The following FOXN2 variants were observed in gnomAD, a reference collection of about 807,000 sequenced individuals.
FOXN2 encodes forkhead box protein N2.
Under a neutral mutation model 41.2 loss-of-function variants are expected in FOXN2, and 19 were observed. That is an observed-to-expected ratio of 0.46 (90% CI 0.32 to 0.68). The LOEUF (loss-of-function observed/expected upper bound fraction) is 0.68, where lower values mean the gene tolerates loss of function less well. FOXN2 is among the 30% of genes least tolerant of loss of function. FOXN2 has a pLI of 0.03. For synonymous variants in FOXN2, 195 were observed against 176.8 expected, an observed-to-expected ratio of 1.10 and a Z score of -0.82; for missense variants, 587 against 509.4, an observed-to-expected ratio of 1.15 and a Z score of -1.47.
At chr2:48,354,774 G>C (rs770269567) in intron 3 of FOXN2, among the ~76,000 whole-genome samples, 16 of 152,160 alleles carry the variant, frequency 1.1e-4, no homozygotes, top group Non-Finnish European at 1.8e-4. Context: ...AAATGGGCAA[G>C]TATATGAATA....
At chr2:48,373,221 G>A in intron 5 of FOXN2, 71 bp from the exon 6 acceptor site, 1 of 1,043,362 alleles carries the variant, frequency 9.6e-7, no homozygotes, top group East Asian at 2.5e-5. Flanking sequence ...TTATCTTCAG[G>A]GGCATGCAAA....
chr2:48,375,429 C>T lies in FOXN2; in HGVS notation c.1282C>T (p.Gln428Ter), dbSNP rs1429087841. ...ISTAKTQNQK[Q>*]RKK Reference sequence around the variant, plus strand: ...TACTGCAAAGACACAAAATCAAAAGCAACGGAAAAAATAGAAATACTTAAA... The same window carrying T: ...TACTGCAAAGACACAAAATCAAAAGTAACGGAAAAAATAGAAATACTTAAA... Residue 428 changes from glutamine to a stop codon, truncating the protein, a stop_gained, in exon 7 of 7, where the codon CAA becomes TAA. Coordinates refer to ENST00000340553, the MANE Select transcript of FOXN2 (RefSeq NM_002158.4). LOFTEE classifies it high-confidence loss of function. 1.2e-6 allele frequency: 2 copies of T among 1,601,872 alleles called. No individual in the cohort carries two copies. Among genetic ancestry groups the T allele is most frequent in the South Asian group, 1.1e-5 (1 of 90,132 alleles).
At chr2:48,330,926 T>A (rs1290503317) in intron 2 of FOXN2, among the ~76,000 whole-genome samples, 1 of 152,190 alleles carries the variant, frequency 6.6e-6, no homozygotes, top group Non-Finnish European at 1.5e-5. Context: ...GGTTAATTAT[T>A]CCTTGCTTAA....
At position 48,377,441 on chromosome 2, in the gene FOXN2, C is replaced by T. The variant is rs531649445; in HGVS notation, c.*1998C>T. 6.6e-6 allele frequency: 1 copy of T among 152,056 alleles called. No individual in the cohort carries two copies. Among genetic ancestry groups the T allele is most frequent in the South Asian group, 2.1e-4 (1 of 4,824 alleles). The allele number at this position is 152,056 out of a possible 1,614,324, so 9.4% of individuals were successfully genotyped here. On this transcript the variant is annotated 3_prime_UTR_variant, in exon 7 of 7. Coordinates refer to ENST00000340553, the MANE Select transcript of FOXN2 (RefSeq NM_002158.4). ...TGATCTGGCACCAGTTTATTTTGTT[C>T]TGCTGAAATTCTGTATCACAAATGT... is the stretch of plus-strand genomic sequence containing the variant.
At chr2:48,338,425 G>A (rs886868299) in intron 2 of FOXN2, among the ~76,000 whole-genome samples, 6 of 150,746 alleles carry the variant, frequency 4.0e-5, no homozygotes, top group Non-Finnish European at 5.9e-5. Context: ...ACGGAATCTC[G>A]GAATCTTGCT....
chr2:48,326,456 A>T (rs1225426214), intron 1 of FOXN2, among the ~76,000 whole-genome samples: 2 of 152,116 alleles, frequency 1.3e-5, no homozygotes, highest in African/African-American at 4.8e-5. Context: ...TACATTCTGC[A>T]GTATTACATT....
intron 2 of FOXN2, among the ~76,000 whole-genome samples, chr2:48,329,978 T>C (rs1209493595): frequency 2.0e-5 from 3 of 152,108 alleles, no homozygotes; most frequent in Non-Finnish European, 4.4e-5. Context: ...GACTTTATTT[T>C]TGCTACTGAC....
At chr2:48,342,571 TTA>T (rs1670847605) in intron 2 of FOXN2, among the ~76,000 whole-genome samples, 1 of 152,028 alleles carries the variant, frequency 6.6e-6, no homozygotes, top group Admixed American at 6.5e-5. Flanking sequence ...AATAAGTTTT[TTA>T]TATAATTTTT....
At chr2:48,319,117 T>G (rs1245646662) in intron 1 of FOXN2, among the ~76,000 whole-genome samples, 1 of 152,098 alleles carries the variant, frequency 6.6e-6, no homozygotes, top group Non-Finnish European at 1.5e-5. Flanking sequence ...CTTGCTAGTG[T>G]TTTTACAGGT....
intron 2 of FOXN2, among the ~76,000 whole-genome samples, chr2:48,335,034 A>G (rs1220341218): frequency 6.6e-6 from 1 of 152,214 alleles, no homozygotes; most frequent in Non-Finnish European, 1.5e-5. Flanking sequence ...ACATATAATC[A>G]TCATTATCAA....
At chr2:48,331,010 A>G (rs1669987158) in intron 2 of FOXN2, among the ~76,000 whole-genome samples, 1 of 152,170 alleles carries the variant, frequency 6.6e-6, no homozygotes, top group Non-Finnish European at 1.5e-5. Context: ...ACTTCTTTCC[A>G]GTTCTAGTAG....
intron 2 of FOXN2, among the ~76,000 whole-genome samples, chr2:48,334,723 A>G (rs1200340993): frequency 1.3e-5 from 2 of 152,198 alleles, no homozygotes. Flanking sequence ...GGGATCAGGA[A>G]GCAAAGCCTA....
intron 1 of FOXN2, among the ~76,000 whole-genome samples, chr2:48,319,839 C>G (rs1572690038): frequency 7.0e-6 from 1 of 143,136 alleles, no homozygotes; most frequent in East Asian, 2.0e-4. Flanking sequence ...ACTATGTTGC[C>G]CAGGCTCGTC....
chr2:48,320,624 CAT>C (rs1267492359), intron 1 of FOXN2, among the ~76,000 whole-genome samples: 1 of 152,094 alleles, frequency 6.6e-6, no homozygotes, highest in East Asian at 1.9e-4. Flanking sequence ...TAAGGAGTGT[CAT>C]AGTCTCATAA....
chr2:48,371,021 A>G (rs1242321818), intron 5 of FOXN2, among the ~76,000 whole-genome samples: 1 of 151,990 alleles, frequency 6.6e-6, no homozygotes. Flanking sequence ...GTAGATATAT[A>G]TCCAATTTCT....
chr2:48,325,844 CTTTTTTTTTT>C lies in FOXN2; in HGVS notation c.-156-2704_-156-2695del, dbSNP rs959535701. 6.8e-5 allele frequency among the ~76,000 whole-genome samples: 7 copies of C among 102,912 alleles called. No homozygotes were observed. The East Asian group carries it at 8.2e-4, about 12-fold the overall frequency. 67.5% of individuals were successfully genotyped at this position (102,912 alleles called of 152,430 possible). On this transcript the variant is annotated intron_variant, in intron 1 of 6. Transcript: ENST00000340553. ...TTAGAGAATTCTTCCCTCAAGATTT[CTTTTTTTTTT>C]TTTTTTTTTTTTGAGACGAAGTTTT...
chr2:48,339,774 G>C (rs1358473798), intron 2 of FOXN2, among the ~76,000 whole-genome samples: 1 of 152,124 alleles, frequency 6.6e-6, no homozygotes, highest in Non-Finnish European at 1.5e-5. Context: ...TCAACTTTTA[G>C]ATGTATACTC....
intron 3 of FOXN2, among the ~76,000 whole-genome samples, chr2:48,350,732 C>T (rs778979475): frequency 3.9e-5 from 6 of 152,160 alleles, no homozygotes; most frequent in Non-Finnish European, 8.8e-5. Context: ...CTCTGGAGCA[C>T]CAGATGGAGG....
intron 1 of FOXN2, among the ~76,000 whole-genome samples, chr2:48,315,108 G>A (rs1303920447): frequency 6.6e-6 from 1 of 152,120 alleles, no homozygotes. Context: ...CGCCCGGGAG[G>A]GGCTGTCGCG....
Sources: gnomAD v4.1 joint callset for allele counts (sites outside exome capture counted in the v4.1 genomes callset) on GRCh38, gnomAD v4.1.1 for gene constraint, MANE v1.5 for transcripts, NCBI Gene and HGNC (gene_info 2026-07-23, HGNC 2026-07-21) for gene names.